ADAMTS17: variants seen among roughly 807,000 people sequenced by gnomAD.
ADAMTS17 encodes ADAM metallopeptidase with thrombospondin type 1 motif 17.
In ADAMTS17, 113 loss-of-function variants were observed where a neutral mutation model predicts 141.5. The observed-to-expected ratio is 0.80, with a 90% CI of 0.69 to 0.93. The LOEUF is 0.93. ADAMTS17 is among the 40% of genes least tolerant of loss of function. The pLI is 0.00. For synonymous variants in ADAMTS17, 768 were observed against 630.6 expected (o/e 1.22, Z -3.27); for missense variants, 1,659 against 1,517.9 (o/e 1.09, Z -1.54).
chr15:100,117,080 T>C, intron 12 of ADAMTS17, 67 bp from the exon 13 acceptor site: 1 of 1,528,642 alleles, frequency 6.5e-7, no homozygotes, highest in Non-Finnish European at 8.8e-7. Context: ...GCTGTTTCCG[T>C]CTCTCTTGCC....
rs1567496534 is a variant in ADAMTS17 at position 100,292,029 on chromosome 15, A to ATCACGAGAGACGCTCAGCCCGTGGGGAG, written c.617-10656_617-10629dup. ...TTATGAGACACTCACCCCGTGTGGAATCACGAGAGACGCTCAGCCCGTGGG... is the reference window on the plus strand; with the variant it reads ...TTATGAGACACTCACCCCGTGTGGAATCACGAGAGACGCTCAGCCCGTGGGGAGTCACGAGAGACGCTCAGCCCGTGGG... On this transcript the variant is annotated intron_variant, in intron 3 of 21. Transcript: ENST00000268070. 3.3e-5 allele frequency among the ~76,000 whole-genome samples: 5 copies of ATCACGAGAGACGCTCAGCCCGTGGGGAG among 149,600 alleles called. 1 individual carries two copies. Among genetic ancestry groups the ATCACGAGAGACGCTCAGCCCGTGGGGAG allele is most frequent in the African/African-American group, 1.2e-4 (5 of 41,210 alleles).
chr15:100,107,646 C>T (rs761221345), intron 14 of ADAMTS17, among the ~76,000 whole-genome samples: 41 of 152,172 alleles, frequency 2.7e-4, no homozygotes, highest in Non-Finnish European at 4.4e-4. Flanking sequence ...TGAACAGGAT[C>T]AGGGCCCCCA....
chr15:100,074,529 A>G (rs2034229367), intron 15 of ADAMTS17, among the ~76,000 whole-genome samples: 1 of 152,158 alleles, frequency 6.6e-6, no homozygotes, highest in African/African-American at 2.4e-5. Flanking sequence ...GTATAATTAT[A>G]TTAATATATT....
At chr15:100,191,767 C>A (rs2141593175) in intron 8 of ADAMTS17, among the ~76,000 whole-genome samples, 1 of 152,264 alleles carries the variant, frequency 6.6e-6, no homozygotes, top group Non-Finnish European at 1.5e-5. Flanking sequence ...GGAAATTCTG[C>A]TTTTATTTGT....
intron 12 of ADAMTS17, among the ~76,000 whole-genome samples, chr15:100,126,603 G>C (rs1257338490): frequency 6.6e-6 from 1 of 152,224 alleles, no homozygotes; most frequent in Non-Finnish European, 1.5e-5. Context: ...ACAAGGGCAT[G>C]AGGTCTACCT....
At chr15:100,139,247 A>C (rs1364561480) in intron 10 of ADAMTS17, among the ~76,000 whole-genome samples, 1 of 152,254 alleles carries the variant, frequency 6.6e-6, no homozygotes, top group Non-Finnish European at 1.5e-5. Context: ...AAAAATTATC[A>C]GGGGCGACTT....
intron 7 of ADAMTS17, among the ~76,000 whole-genome samples, chr15:100,206,409 T>G (rs1165845378): frequency 1.3e-5 from 2 of 152,180 alleles, no homozygotes; most frequent in African/African-American, 4.8e-5. Context: ...CCACACTCAC[T>G]CCTACAGCAA....
At chr15:99,978,651 C>G (rs541899182) in intron 20 of ADAMTS17, 1 of 152,370 alleles carries the variant, frequency 6.6e-6, no homozygotes, top group South Asian at 2.1e-4. Context: ...TGAAGTCACA[C>G]AAGGAAGTTC....
At chr15:100,162,946 G>C in intron 8 of ADAMTS17, among the ~76,000 whole-genome samples, 1 of 138,412 alleles carries the variant, frequency 7.2e-6, no homozygotes, top group South Asian at 2.3e-4. Context: ...GTATATATTT[G>C]TGTATATATA....
At chr15:100,145,804 A>G (rs1018417363) in intron 10 of ADAMTS17, among the ~76,000 whole-genome samples, 5 of 152,132 alleles carry the variant, frequency 3.3e-5, no homozygotes, top group African/African-American at 1.2e-4. Context: ...ATTAGCTAAA[A>G]CTCTGTTGTT....
chr15:100,085,093 G>C (rs1051385882), intron 15 of ADAMTS17, among the ~76,000 whole-genome samples: 9 of 151,930 alleles, frequency 5.9e-5, no homozygotes, highest in African/African-American at 1.7e-4. Context: ...TAAAAACCTT[G>C]AAAAAATATT....
intron 7 of ADAMTS17, among the ~76,000 whole-genome samples, chr15:100,217,338 A>G (rs1344125934): frequency 2.6e-5 from 4 of 151,950 alleles, no homozygotes; most frequent in Non-Finnish European, 4.4e-5. Flanking sequence ...AAAATATAAA[A>G]CTCTTAGAAG....
chr15:100,292,075 CCCGTGGGGAGTCATGAGAGACGCTCAG>C, intron 3 of ADAMTS17, among the ~76,000 whole-genome samples: 6 of 133,578 alleles, frequency 4.5e-5, no homozygotes, highest in Non-Finnish European at 9.8e-5. Flanking sequence ...AGACGCTCAG[CCCGTGGGGAGTCATGAGAGACGCTCAG>C]CCCGTGGGGA....
chr15:100,162,916 GTATA>G (rs1171626606), intron 8 of ADAMTS17, among the ~76,000 whole-genome samples: 4 of 141,670 alleles, frequency 2.8e-5, no homozygotes, highest in Non-Finnish European at 1.5e-5. Context: ...ATGTATATGT[GTATA>G]TATATAACTA....
At chr15:100,165,477 G>A (rs1474286622) in intron 8 of ADAMTS17, among the ~76,000 whole-genome samples, 66 of 152,286 alleles carry the variant, frequency 4.3e-4, no homozygotes, top group Non-Finnish European at 2.2e-4. Flanking sequence ...CAAATGAGTG[G>A]CACCTGCTTG....
intron 2 of ADAMTS17, among the ~76,000 whole-genome samples, chr15:100,331,691 C>T (rs960064016): frequency 6.6e-5 from 10 of 152,134 alleles, no homozygotes; most frequent in African/African-American, 1.9e-4. Flanking sequence ...TGCCTTTGAT[C>T]GCAGATTCAG....
At chr15:100,014,900 A>G (rs115148812) in intron 18 of ADAMTS17, among the ~76,000 whole-genome samples, 2,174 of 152,232 alleles carry the variant, frequency 0.014, 47 homozygotes, top group African/African-American at 0.046. Flanking sequence ...TATAGCTTAA[A>G]TCTATTATTT....
At chr15:100,171,424 A>G (rs1007821992) in intron 8 of ADAMTS17, among the ~76,000 whole-genome samples, 2 of 152,182 alleles carry the variant, frequency 1.3e-5, no homozygotes, top group African/African-American at 4.8e-5. Flanking sequence ...TCGCAGGGCT[A>G]TGAAATGCAT....
chr15:100,253,143 G>C (rs986167037), intron 7 of ADAMTS17, among the ~76,000 whole-genome samples: 1 of 151,444 alleles, frequency 6.6e-6, no homozygotes, highest in Admixed American at 6.6e-5. Context: ...TTTTGATTCT[G>C]GCAATGCAAT....
Sources: allele counts gnomAD v4.1 joint callset (sites outside exome capture counted in the v4.1 genomes callset), GRCh38; gene constraint gnomAD v4.1.1; transcripts MANE v1.5; gene names NCBI Gene and HGNC (gene_info 2026-07-23, HGNC 2026-07-21).